The following ELOVL4 variants were observed in gnomAD, a reference collection of about 807,000 sequenced individuals.
ELOVL4 encodes very long chain fatty acid elongase 4.
Under a neutral mutation model 42.1 loss-of-function variants are expected in ELOVL4, and 18 were observed. That is an observed-to-expected ratio of 0.43 (90% CI 0.30 to 0.63). ELOVL4 has a LOEUF of 0.63. ELOVL4 is among the 30% of genes least tolerant of loss of function. The probability of loss-of-function intolerance (pLI) is 0.15; values close to 1 mark genes in which losing one functional copy is unlikely to be tolerated. For synonymous variants in ELOVL4, 117 were observed against 127.0 expected, an observed-to-expected ratio of 0.92 and a Z score of 0.53; for missense variants, 299 against 376.2, an observed-to-expected ratio of 0.79 and a Z score of 1.70.
chr6:79,926,313 G>A lies in ELOVL4; in HGVS notation c.169C>T (p.Leu57Phe). 1.9e-6 allele frequency: 3 copies of A among 1,613,980 alleles called. No homozygotes were observed. The highest frequency in any genetic ancestry group is 2.5e-6 in the Non-Finnish European group (3 of 1,179,958). ...TTTGGACCCAGCCACACAAACAGGAGATAAAGAGTGCTTATACTTAGTGTA... is the reference window on the plus strand; with the variant it reads ...TTTGGACCCAGCCACACAAACAGGAAATAAAGAGTGCTTATACTTAGTGTA... ...WPTLSISTLY[L>F]LFVWLGPKWM... Residue 57 changes from leucine (L) to phenylalanine (F), a missense_variant, in exon 2 of 6, where the codon CTC (leucine) becomes TTC (phenylalanine). Leu to Phe is a conservative substitution (Grantham distance 22, BLOSUM62 0). Coordinates refer to ENST00000369816, the MANE Select transcript of ELOVL4 (RefSeq NM_022726.4).
At chr6:79,943,637 G>A (rs1013242809) in intron 1 of ELOVL4, among the ~76,000 whole-genome samples, 3 of 152,166 alleles carry the variant, frequency 2.0e-5, no homozygotes, top group African/African-American at 7.2e-5. Flanking sequence ...TGATATCAAG[G>A]AAAGGGGAAT....
chr6:79,933,600 A>C lies in ELOVL4; in HGVS notation c.101-7219T>G, dbSNP rs574391264. Among the ~76,000 whole-genome samples the C allele has an allele frequency of 2.4e-4, 36 of 152,262 alleles. No homozygotes were observed. The East Asian group carries it at 7.0e-3, about 29-fold the overall frequency. On this transcript the variant is annotated intron_variant, in intron 1 of 5. Coordinates refer to ENST00000369816, the MANE Select transcript of ELOVL4 (RefSeq NM_022726.4). ...ACTGAGGGGAAGGGGATATGTCAAG[A>C]GGCAGGAAAACCAACTGCATCAGTG... is the stretch of plus-strand genomic sequence containing the variant.
intron 1 of ELOVL4, among the ~76,000 whole-genome samples, chr6:79,941,536 A>T (rs1561991154): frequency 6.6e-6 from 1 of 152,160 alleles, no homozygotes; most frequent in Non-Finnish European, 1.5e-5. Context: ...CAACTGAATT[A>T]ATGACCAACT....
chr6:79,944,987 CAAAAAAAAAA>C (rs200726708), intron 1 of ELOVL4, among the ~76,000 whole-genome samples: 11,037 of 93,430 alleles, frequency 0.12, 1,140 homozygotes, highest in African/African-American at 0.3. Context: ...TGAATGAGTC[CAAAAAAAAAA>C]AAAAAAAAAA....
chr6:79,939,469 A>G (rs1049734804), intron 1 of ELOVL4, among the ~76,000 whole-genome samples: 1 of 151,854 alleles, frequency 6.6e-6, no homozygotes, highest in African/African-American at 2.4e-5. Flanking sequence ...CCTAGCAAAC[A>G]TCTTTCTACT....
chr6:79,925,970 A>G (rs370607261), intron 2 of ELOVL4, among the ~76,000 whole-genome samples: 3 of 152,224 alleles, frequency 2.0e-5, no homozygotes, highest in East Asian at 3.9e-4. Flanking sequence ...AATAAGGGTT[A>G]CTTTAGAATC....
intron 1 of ELOVL4, among the ~76,000 whole-genome samples, chr6:79,942,724 C>G (rs1774668481): frequency 6.6e-6 from 1 of 152,138 alleles, no homozygotes. Flanking sequence ...GTTTTAGAAC[C>G]TGCATTGTTT....
chr6:79,937,218 C>G (rs1478569735), intron 1 of ELOVL4, among the ~76,000 whole-genome samples: 1 of 152,068 alleles, frequency 6.6e-6, no homozygotes, highest in Non-Finnish European at 1.5e-5. Flanking sequence ...TAACTCAGTT[C>G]TATAACAGTT....
chr6:79,919,579 C>T (rs371104774), intron 4 of ELOVL4, 32 bp from the exon 5 acceptor site: 180 of 1,609,626 alleles, frequency 1.1e-4, no homozygotes, highest in Non-Finnish European at 1.5e-4. Context: ...TTACAAGATA[C>T]AGAAAATTTT....
intron 1 of ELOVL4, among the ~76,000 whole-genome samples, chr6:79,935,671 AAC>A (rs919398868): frequency 9.1e-4 from 139 of 152,364 alleles, no homozygotes; most frequent in African/African-American, 3.2e-3. Context: ...TAAAATGAGC[AAC>A]AGTTACTGAT....
chr6:79,937,656 C>A (rs1774568540), intron 1 of ELOVL4, among the ~76,000 whole-genome samples: 1 of 152,004 alleles, frequency 6.6e-6, no homozygotes, highest in Non-Finnish European at 1.5e-5. Flanking sequence ...TATTACTGGG[C>A]AATAAAATGG....
rs1774767670 is a variant in ELOVL4, at chr6:79,947,327, G to A, written c.-48C>T. On this transcript the variant is annotated 5_prime_UTR_variant, in exon 1 of 6. Transcript: ENST00000369816. ...CGGCAGGAGAAAGCGGAGACCCAGA[G>A]AGAGGGCTGACCCCGGAGGCGGTGG... 2 of 1,470,474 alleles carry A rather than the reference G, an allele frequency of 1.4e-6. No homozygotes were observed. The highest frequency in any genetic ancestry group is 4.6e-5 in the East Asian group (2 of 43,174). 91.1% of individuals were successfully genotyped at this position (1,470,474 alleles called of 1,614,324 possible).
chr6:79,928,742 T>G lies in ELOVL4; in HGVS notation c.101-2361A>C, dbSNP rs566081725. ...TGGTGACTGGGTTTTTTTTTTTTTT[T>G]TTTTTTTTTTTTTAAGAAATGGAGT... On this transcript the variant is annotated intron_variant, in intron 1 of 5. Coordinates refer to ENST00000369816, the MANE Select transcript of ELOVL4 (RefSeq NM_022726.4). 2.7e-3 allele frequency among the ~76,000 whole-genome samples: 393 copies of G among 143,148 alleles called. 4 individuals are homozygous for G. The highest frequency in any genetic ancestry group is 9.6e-3 in the African/African-American group (361 of 37,612). The allele number at this position is 143,148 out of a possible 152,430, so 93.9% of individuals were successfully genotyped here.
At chr6:79,927,208 T>TA (rs1425301747) in intron 1 of ELOVL4, among the ~76,000 whole-genome samples, 4 of 152,024 alleles carry the variant, frequency 2.6e-5, no homozygotes, top group African/African-American at 9.7e-5. Flanking sequence ...GATAATGAAA[T>TA]ATGGATGGGA....
At chr6:79,933,405 G>GT (rs1340285317) in intron 1 of ELOVL4, among the ~76,000 whole-genome samples, 1 of 151,882 alleles carries the variant, frequency 6.6e-6, no homozygotes, top group Non-Finnish European at 1.5e-5. Context: ...TAATTTTTGT[G>GT]TTTTTTGTAG....
At chr6:79,942,295 A>G (rs898532936) in intron 1 of ELOVL4, among the ~76,000 whole-genome samples, 1 of 152,210 alleles carries the variant, frequency 6.6e-6, no homozygotes, top group Non-Finnish European at 1.5e-5. Context: ...CTGAAATCCA[A>G]ACCCACATGA....
At chr6:79,928,503 A>C (rs760358792) in intron 1 of ELOVL4, among the ~76,000 whole-genome samples, 2 of 152,238 alleles carry the variant, frequency 1.3e-5, no homozygotes, top group African/African-American at 2.4e-5. Context: ...ATTCTTTTTG[A>C]TGTACAGTGT....
intron 1 of ELOVL4, among the ~76,000 whole-genome samples, chr6:79,926,786 C>G (rs575415924): frequency 6.6e-6 from 1 of 152,306 alleles, no homozygotes; most frequent in East Asian, 1.9e-4. Context: ...GGAGGCTGCT[C>G]TGTGTGTCCA....
rs1475258855 is a variant in ELOVL4 at position 79,916,278 on chromosome 6, G to A, written c.*330C>T. On this transcript the variant is annotated 3_prime_UTR_variant, in exon 6 of 6. Coordinates refer to ENST00000369816, the MANE Select transcript of ELOVL4 (RefSeq NM_022726.4). ...GTGATCGTCTAAAATTCAGACCGAA[G>A]AATGAGTGACTATAAGATACATGAA... The A allele has an allele frequency of 1.2e-5, 3 of 251,964 alleles. No individual in the cohort carries two copies. Among genetic ancestry groups the A allele is most frequent in the Non-Finnish European group, 2.3e-5 (3 of 130,096 alleles). The allele number at this position is 251,964 out of a possible 1,614,324, so 15.6% of individuals were successfully genotyped here.
Sources: allele counts gnomAD v4.1 joint callset (sites outside exome capture counted in the v4.1 genomes callset), GRCh38; gene constraint gnomAD v4.1.1; transcripts MANE v1.5; gene names NCBI Gene and HGNC (gene_info 2026-07-23, HGNC 2026-07-21).